NOS1AP: variants seen among roughly 807,000 people sequenced by gnomAD.
NOS1AP encodes carboxyl-terminal PDZ ligand of neuronal nitric oxide synthase protein.
In NOS1AP, 21 loss-of-function variants were observed where a neutral mutation model predicts 56.2. The ratio of observed to expected loss-of-function variants is 0.37; its 90% CI spans 0.26 to 0.54. The LOEUF (loss-of-function observed/expected upper bound fraction) is 0.54. Among genes scored for constraint, NOS1AP ranks in the 20% least tolerant of loss-of-function variants. The pLI, the probability that NOS1AP is intolerant of heterozygous loss-of-function variation, is 0.84. For synonymous variants in NOS1AP, 270 were observed against 274.6 expected (o/e 0.98, Z 0.17); for missense variants, 522 against 657.8 (o/e 0.79, Z 2.26).
At chr1:162,167,311 C>T (rs1650547658) in intron 2 of NOS1AP, among the ~76,000 whole-genome samples, 1 of 152,252 alleles carries the variant, frequency 6.6e-6, no homozygotes, top group Non-Finnish European at 1.5e-5. Context: ...CCTCTCATCA[C>T]CTGAGGGCTT....
intron 4 of NOS1AP, among the ~76,000 whole-genome samples, chr1:162,301,534 A>G (rs1225016642): frequency 6.6e-6 from 1 of 152,228 alleles, no homozygotes; most frequent in Non-Finnish European, 1.5e-5. Context: ...AATTGCTTTT[A>G]CAAGGAGACT....
chr1:162,240,404 G>C (rs1383796667), intron 2 of NOS1AP, among the ~76,000 whole-genome samples: 1 of 152,146 alleles, frequency 6.6e-6, no homozygotes, highest in Admixed American at 6.5e-5. Context: ...AAATATTTTT[G>C]GCTTATACAT....
chr1:162,192,363 G>A (rs1651672861), intron 2 of NOS1AP, among the ~76,000 whole-genome samples: 1 of 152,216 alleles, frequency 6.6e-6, no homozygotes, highest in Non-Finnish European at 1.5e-5. Flanking sequence ...GCTCAGGAAA[G>A]TTCAAAAGGG....
chr1:162,113,330 C>A (rs1299097051), intron 1 of NOS1AP, among the ~76,000 whole-genome samples: 1 of 152,146 alleles, frequency 6.6e-6, no homozygotes, highest in Non-Finnish European at 1.5e-5. Flanking sequence ...CTCAAGCCTG[C>A]AGAAGTGTGT....
intron 8 of NOS1AP, chr1:162,364,613 A>T (rs1658009055): frequency 1.0e-6 from 1 of 985,384 alleles, no homozygotes; most frequent in African/African-American, 1.7e-5. Flanking sequence ...GAAACTGATG[A>T]GGGTGCCACA....
intron 2 of NOS1AP, among the ~76,000 whole-genome samples, chr1:162,240,202 C>T (rs2101679855): frequency 6.6e-6 from 1 of 151,922 alleles, no homozygotes; most frequent in Middle Eastern, 3.4e-3. Flanking sequence ...TCACTGACTT[C>T]CATGATTGGC....
At chr1:162,287,280 G>T in intron 2 of NOS1AP, 64 bp from the exon 3 acceptor site, 1 of 1,176,864 alleles carries the variant, frequency 8.5e-7, no homozygotes, top group South Asian at 1.2e-5. Context: ...GGGCTAGCTG[G>T]GTCTGTATAG....
In NOS1AP at chr1:162,342,440, G is replaced by T. The variant is rs1408658585; in HGVS notation, c.454-1395G>T. ...AAATAAGCAGAAGGAACATAGAAAT[G>T]ACTCCAGGCTTGAGGAGAAGCAATT... On this transcript the variant is annotated intron_variant, in intron 5 of 9. Coordinates refer to ENST00000361897, the MANE Select transcript of NOS1AP (RefSeq NM_014697.3). 1.3e-5 allele frequency: 6 copies of T among 446,186 alleles called. No individual in the cohort carries two copies. The East Asian group carries it at 4.2e-4, about 31-fold the overall frequency. The allele number at this position is 446,186 out of a possible 1,614,324, so 27.6% of individuals were successfully genotyped here.
intron 5 of NOS1AP, among the ~76,000 whole-genome samples, chr1:162,340,088 T>C (rs1183030542): frequency 6.6e-6 from 1 of 152,206 alleles, no homozygotes; most frequent in Non-Finnish European, 1.5e-5. Context: ...TATGTAGTCA[T>C]TCTGTGAAAC....
intron 2 of NOS1AP, among the ~76,000 whole-genome samples, chr1:162,192,897 G>A (rs569266398): frequency 1.3e-5 from 2 of 152,114 alleles, no homozygotes; most frequent in African/African-American, 4.8e-5. Context: ...AGACTATGGG[G>A]GAGACTTAGC....
intron 1 of NOS1AP, among the ~76,000 whole-genome samples, chr1:162,103,300 GTTA>G (rs1485535900): frequency 2.6e-5 from 4 of 151,496 alleles, no homozygotes; most frequent in South Asian, 2.1e-4. Flanking sequence ...ATGAGAGACT[GTTA>G]TTATTTCAGT....
intron 1 of NOS1AP, among the ~76,000 whole-genome samples, chr1:162,140,374 C>T (rs1649186150): frequency 6.6e-6 from 1 of 152,134 alleles, no homozygotes; most frequent in African/African-American, 2.4e-5. Flanking sequence ...GTTTAGCTCC[C>T]ATTTATAAGT....
rs1363019111 is a variant in NOS1AP, at chr1:162,188,888, A to G, written c.177+34412A>G. 2.0e-5 allele frequency among the ~76,000 whole-genome samples: 3 copies of G among 152,000 alleles called. No individual in the cohort carries two copies. Among genetic ancestry groups the G allele is most frequent in the African/African-American group, 7.3e-5 (3 of 41,372 alleles). On this transcript the variant is annotated intron_variant, in intron 2 of 9. Transcript: ENST00000361897. This position sits in a 1 kb window ranked among gnomAD's most constrained non-coding sequence, Gnocchi z 4.0. The stretch of plus-strand genomic sequence containing the variant: ...CCAACCTGGTCAGGAGTATTTTTAG[A>G]AACTCCATCTCTAAAAATACAAAAA...
intron 1 of NOS1AP, among the ~76,000 whole-genome samples, chr1:162,147,761 G>C (rs938566705): frequency 1.3e-5 from 2 of 152,170 alleles, no homozygotes; most frequent in African/African-American, 4.8e-5. Flanking sequence ...CCCATATCTT[G>C]ATTACCTATA....
chr1:162,230,124 C>G (rs565527983), intron 2 of NOS1AP, among the ~76,000 whole-genome samples: 71 of 152,248 alleles, frequency 4.7e-4, no homozygotes, highest in African/African-American at 1.7e-3. Flanking sequence ...AGACTCAGAT[C>G]TCCTTGCAGA....
intron 3 of NOS1AP, among the ~76,000 whole-genome samples, chr1:162,292,153 A>G (rs919859544): frequency 7.2e-5 from 11 of 152,362 alleles, no homozygotes; most frequent in Admixed American, 5.9e-4. Flanking sequence ...AGGATATTAG[A>G]TATGAACCCT....
At chr1:162,318,964 T>C (rs2101777156) in intron 4 of NOS1AP, among the ~76,000 whole-genome samples, 1 of 152,272 alleles carries the variant, frequency 6.6e-6, no homozygotes, top group South Asian at 2.1e-4. Context: ...AGAGAAATGA[T>C]TCTTGTGTCC....
chr1:162,267,573 G>A (rs1432428344), intron 2 of NOS1AP, among the ~76,000 whole-genome samples: 1 of 149,584 alleles, frequency 6.7e-6, no homozygotes, highest in East Asian at 2.0e-4. Context: ...AGACCAGACT[G>A]GGCAACATAG....
intron 2 of NOS1AP, among the ~76,000 whole-genome samples, chr1:162,161,597 T>C (rs939941679): frequency 8.8e-5 from 9 of 102,048 alleles, no homozygotes; most frequent in African/African-American, 3.1e-4. Context: ...CTTTGCCTCC[T>C]TTTTTTTTTC....
Sources: allele counts gnomAD v4.1 joint callset (sites outside exome capture counted in the v4.1 genomes callset), GRCh38; gene constraint gnomAD v4.1.1; non-coding constraint Gnocchi (gnomAD v3.1); transcripts MANE v1.5; gene names NCBI Gene and HGNC (gene_info 2026-07-23, HGNC 2026-07-21).